The following TLR6 variants were observed in gnomAD, a reference collection of about 807,000 sequenced individuals.
TLR6 encodes the protein toll-like receptor 6.
Under a neutral mutation model 16.1 loss-of-function variants are expected in TLR6, and 9 were observed. The ratio of observed to expected loss-of-function variants is 0.56; its 90% CI spans 0.34 to 0.98. TLR6 has a LOEUF of 0.98. Ranked by LOEUF, TLR6 falls within the 50% of genes least tolerant of loss-of-function variation. TLR6 has a pLI of 0.02. For missense variants in TLR6, 786 were observed against 921.0 expected (o/e 0.85, Z 1.90); for synonymous variants, 340 against 338.6 (o/e 1.00, Z -0.04).
intron 1 of TLR6, among the ~76,000 whole-genome samples, chr4:38,850,163 G>T (rs974447903): frequency 1.6e-4 from 25 of 152,188 alleles, no homozygotes; most frequent in African/African-American, 5.8e-4. Flanking sequence ...CAGAAATAAA[G>T]ATGTTCCTTG....
At chr4:38,854,344 T>C (rs1712883355) in intron 1 of TLR6, among the ~76,000 whole-genome samples, 1 of 152,184 alleles carries the variant, frequency 6.6e-6, no homozygotes, top group Non-Finnish European at 1.5e-5. Context: ...AGAAATAAAT[T>C]GTAATTTTTT....
At chr4:38,845,098 T>C (rs7669329) in intron 1 of TLR6, among the ~76,000 whole-genome samples, 46,480 of 152,156 alleles carry the variant, frequency 0.31, 8,247 homozygotes, top group East Asian at 0.58. Context: ...GGGTGGCTTG[T>C]ATGTGTTCCA....
At chr4:38,848,861 T>A (rs1359418613) in intron 1 of TLR6, among the ~76,000 whole-genome samples, 1 of 152,210 alleles carries the variant, frequency 6.6e-6, no homozygotes, top group African/African-American at 2.4e-5. Flanking sequence ...TTCTGCAGGA[T>A]GTTATCCAGG....
chr4:38,831,118 C>T (rs1711550791), intron 1 of TLR6, among the ~76,000 whole-genome samples: 1 of 151,700 alleles, frequency 6.6e-6, no homozygotes, highest in African/African-American at 2.4e-5. Flanking sequence ...GCAATCAAGG[C>T]AGTGTGGTTT....
chr4:38,834,455 A>G (rs1711797354), intron 1 of TLR6, among the ~76,000 whole-genome samples: 1 of 151,926 alleles, frequency 6.6e-6, no homozygotes, highest in Non-Finnish European at 1.5e-5. Flanking sequence ...GAGATGAGCA[A>G]AGGGATAGAA....
In TLR6 at chr4:38,828,321, G is replaced by A; in HGVS notation, c.1153C>T (p.Gln385Ter). The A allele has an allele frequency of 1.2e-6, 2 of 1,613,370 alleles. No homozygotes were observed. The highest frequency in any genetic ancestry group is 1.7e-6 in the Non-Finnish European group (2 of 1,179,352). The change falls in exon 2 of 2, where the codon CAA (glutamine) becomes TAA (stop). Residue 385 changes from glutamine (Q) to a stop codon, truncating the protein, a stop_gained. Coordinates refer to ENST00000436693, the Ensembl canonical transcript of TLR6. LOFTEE classifies it low-confidence loss of function (END_TRUNC). ...AAAAGGTCTTTTAATCCATTCTTTTGTAAGATAAGTGTCTCCAATTTAACT... is the reference window on the plus strand; with the variant it reads ...AAAAGGTCTTTTAATCCATTCTTTTATAAGATAAGTGTCTCCAATTTAACT...
At chr4:38,858,361 C>G (rs542943908), upstream of TLR6, among the ~76,000 whole-genome samples, 6 of 152,150 alleles carry the variant, frequency 3.9e-5, no homozygotes, top group Non-Finnish European at 8.8e-5. Context: ...GAGTTTGGTG[C>G]AAATCATATA....
At chr4:38,826,253 C>G (rs1727541993) in exon 2 of TLR6, 1 of 152,270 alleles carries the variant, frequency 6.6e-6, no homozygotes. Flanking sequence ...CTCTAGTCTT[C>G]TAGAGATGGA....
intron 1 of TLR6, among the ~76,000 whole-genome samples, chr4:38,855,926 T>C (rs914047919): frequency 6.6e-6 from 1 of 151,072 alleles, no homozygotes; most frequent in East Asian, 1.9e-4. Flanking sequence ...GGTGAGGAAA[T>C]AGATGAAATA....
chr4:38,829,103 C>G (rs774154254), exon 2 of TLR6: 1 of 1,613,954 alleles, frequency 6.2e-7, no homozygotes, highest in African/African-American at 1.3e-5. Context: ...ATCTAAATGC[C>G]TGAAACTCAC....
chr4:38,824,678 G>C (rs1727464384), exon 2 of TLR6: 1 of 152,180 alleles, frequency 6.6e-6, no homozygotes, highest in East Asian at 1.9e-4. Flanking sequence ...ATAGAGCCTA[G>C]GGAGGAAAAC....
chr4:38,824,580 GGTT>G (rs1271268378), exon 2 of TLR6: 1 of 152,092 alleles, frequency 6.6e-6, no homozygotes, highest in African/African-American at 2.4e-5. Context: ...TTGTTACTGT[GGTT>G]GTTTGTTGTT....
upstream of TLR6, among the ~76,000 whole-genome samples, chr4:38,858,155 T>C (rs1713063861): frequency 2.6e-5 from 4 of 152,312 alleles, no homozygotes; most frequent in South Asian, 6.2e-4. Context: ...ATAGCGAAGA[T>C]GGCAATGACA....
rs55963748 is a variant in TLR6, at chr4:38,827,201, C to T, written c.2273G>A (p.Arg758Gln). ...CTCCTTGGGCCACTGCAAATAAGTC[C>T]GCTGCGTCATGAGAGCCTTCAGCTT... is the stretch of plus-strand genomic sequence containing the variant. Residue 758 changes from arginine to glutamine, a missense_variant, in exon 2 of 2, where the codon CGG (arginine) becomes CAG (glutamine). Transcript: ENST00000436693. 5.0e-5 allele frequency: 80 copies of T among 1,614,122 alleles called. 1 individual carries two copies. Among genetic ancestry groups the T allele is most frequent in the South Asian group, 4.4e-4 (40 of 91,088 alleles).
upstream of TLR6, among the ~76,000 whole-genome samples, chr4:38,858,527 T>G (rs1194551444): frequency 6.6e-6 from 1 of 151,820 alleles, no homozygotes; most frequent in Admixed American, 6.6e-5. Flanking sequence ...CGAGACCGGC[T>G]TGGCTAACAT....
At chr4:38,838,699 T>A (rs765683082) in intron 1 of TLR6, among the ~76,000 whole-genome samples, 7 of 152,086 alleles carry the variant, frequency 4.6e-5, no homozygotes, top group Non-Finnish European at 1.0e-4. Context: ...TAGCTAACAA[T>A]AATTTATTGT....
At chr4:38,834,688 C>T (rs12509541) in intron 1 of TLR6, among the ~76,000 whole-genome samples, 2,899 of 152,276 alleles carry the variant, frequency 0.019, 49 homozygotes, top group Non-Finnish European at 0.026. Flanking sequence ...CCCCATCAGA[C>T]TAACAGATTT....
intron 1 of TLR6, among the ~76,000 whole-genome samples, chr4:38,841,197 AT>A (rs56806800): frequency 0.69 from 104,668 of 152,088 alleles, 38,040 homozygotes; most frequent in African/African-American, 0.92. Context: ...TGTAAAGACT[AT>A]TTAGAGAGTT....
At chr4:38,854,724 C>A (rs1302941836) in intron 1 of TLR6, among the ~76,000 whole-genome samples, 1 of 151,692 alleles carries the variant, frequency 6.6e-6, no homozygotes, top group African/African-American at 2.4e-5. Flanking sequence ...AATTCCACTA[C>A]AAGGAATTTT....
Sources: allele counts gnomAD v4.1 joint callset (sites outside exome capture counted in the v4.1 genomes callset), GRCh38; gene constraint gnomAD v4.1.1; transcripts MANE v1.5; gene names NCBI Gene and HGNC (gene_info 2026-07-23, HGNC 2026-07-21).